ARHGEF38: variants seen among roughly 807,000 people sequenced by gnomAD.
The protein encoded by ARHGEF38 is Rho guanine nucleotide exchange factor 38.
ARHGEF38 carries 79 observed loss-of-function variants against 79.9 expected under a neutral mutation model. The ratio of observed to expected loss-of-function variants is 0.99; its 90% CI spans 0.82 to 1.19. The LOEUF (loss-of-function observed/expected upper bound fraction) is 1.19, where lower values mean the gene tolerates loss of function less well. Ranked by LOEUF, ARHGEF38 falls within the 50% of genes most tolerant of loss-of-function variation. The pLI is 0.00. For synonymous variants in ARHGEF38, 366 were observed against 328.3 expected (o/e 1.11, Z -1.24); for missense variants, 962 against 907.2 (o/e 1.06, Z -0.78).
At chr4:105,654,524 C>T (rs1044777581) in intron 8 of ARHGEF38, among the ~76,000 whole-genome samples, 28 of 152,164 alleles carry the variant, frequency 1.8e-4, no homozygotes, top group Non-Finnish European at 3.5e-4. Flanking sequence ...TAACACATCT[C>T]TTTCTAGTAC....
intron 1 of ARHGEF38, among the ~76,000 whole-genome samples, chr4:105,566,580 C>T (rs1051506671): frequency 3.9e-5 from 6 of 152,102 alleles, no homozygotes; most frequent in African/African-American, 7.2e-5. Flanking sequence ...GTTATACTCT[C>T]TTAGATATTT....
intron 6 of ARHGEF38, among the ~76,000 whole-genome samples, chr4:105,645,842 G>T (rs1002288808): frequency 1.3e-5 from 2 of 152,238 alleles, no homozygotes; most frequent in Non-Finnish European, 2.9e-5. Context: ...ACAGAGAATG[G>T]AGCTTTTGTG....
At chr4:105,649,565 T>C (rs1286986662) in intron 7 of ARHGEF38, among the ~76,000 whole-genome samples, 2 of 152,220 alleles carry the variant, frequency 1.3e-5, no homozygotes, top group East Asian at 3.8e-4. Context: ...AGATAGTTCT[T>C]AGTATACTAT....
chr4:105,627,685 A>G (rs1560731275), intron 3 of ARHGEF38, among the ~76,000 whole-genome samples: 1 of 152,196 alleles, frequency 6.6e-6, no homozygotes, highest in African/African-American at 2.4e-5. Context: ...ACCACAAGTG[A>G]AATTACCTTC....
At chr4:105,672,960 A>G (rs1226862674) in intron 13 of ARHGEF38, among the ~76,000 whole-genome samples, 1 of 151,922 alleles carries the variant, frequency 6.6e-6, no homozygotes, top group East Asian at 1.9e-4. Context: ...GTAGGTGAGC[A>G]TCTCTCTGGC....
intron 13 of ARHGEF38, among the ~76,000 whole-genome samples, chr4:105,669,673 A>T (rs13131093): frequency 6.6e-6 from 1 of 151,804 alleles, no homozygotes; most frequent in Non-Finnish European, 1.5e-5. Flanking sequence ...CATGACTTTT[A>T]GTATATATTA....
chr4:105,676,369 T>C (rs974922675), intron 13 of ARHGEF38, among the ~76,000 whole-genome samples: 19 of 152,222 alleles, frequency 1.2e-4, no homozygotes, highest in African/African-American at 4.3e-4. Context: ...TGATGTATCA[T>C]CTGTGTGTAG....
intron 13 of ARHGEF38, among the ~76,000 whole-genome samples, chr4:105,669,458 A>G (rs1730885439): frequency 6.6e-6 from 1 of 152,198 alleles, no homozygotes; most frequent in South Asian, 2.1e-4. Context: ...TTAGAGGGCC[A>G]AAGGTATGTA....
chr4:105,628,961 C>A (rs1578326703), intron 3 of ARHGEF38, among the ~76,000 whole-genome samples: 1 of 152,118 alleles, frequency 6.6e-6, no homozygotes, highest in East Asian at 1.9e-4. Flanking sequence ...CTTTTTATAT[C>A]TATCACCCCA....
chr4:105,672,377 T>C (rs1730984629), intron 13 of ARHGEF38, among the ~76,000 whole-genome samples: 1 of 152,218 alleles, frequency 6.6e-6, no homozygotes, highest in Admixed American at 6.5e-5. Context: ...CCAAATTATA[T>C]TCTGGAGCCT....
At chr4:105,557,425 T>C (rs1239109554) in intron 1 of ARHGEF38, among the ~76,000 whole-genome samples, 1 of 152,048 alleles carries the variant, frequency 6.6e-6, no homozygotes, top group Non-Finnish European at 1.5e-5. Context: ...ATGAATTATA[T>C]CACTGACATT....
At chr4:105,660,055 C>T (rs1481195682) in intron 10 of ARHGEF38, among the ~76,000 whole-genome samples, 4 of 152,080 alleles carry the variant, frequency 2.6e-5, no homozygotes, top group Admixed American at 2.0e-4. Context: ...CAATGGGTAA[C>T]ACCTGGAGCA....
chr4:105,576,774 T>A (rs918945653), intron 1 of ARHGEF38, among the ~76,000 whole-genome samples: 1 of 152,192 alleles, frequency 6.6e-6, no homozygotes, highest in Non-Finnish European at 1.5e-5. Flanking sequence ...TTCTTTCAAC[T>A]TTTCTTCCTC....
At chr4:105,602,540 A>G (rs936676993) in intron 2 of ARHGEF38, among the ~76,000 whole-genome samples, 2 of 152,146 alleles carry the variant, frequency 1.3e-5, no homozygotes, top group African/African-American at 4.8e-5. Flanking sequence ...GAAAAGGCTA[A>G]TTGAATGTTG....
chr4:105,671,609 T>C (rs1560763155), intron 13 of ARHGEF38, among the ~76,000 whole-genome samples: 1 of 152,204 alleles, frequency 6.6e-6, no homozygotes, highest in Non-Finnish European at 1.5e-5. Flanking sequence ...TTAACCTCTG[T>C]ATTTGTGATG....
chr4:105,682,280 AG>A (rs930152728), downstream of ARHGEF38, among the ~76,000 whole-genome samples: 3 of 152,166 alleles, frequency 2.0e-5, no homozygotes, highest in African/African-American at 7.2e-5. Context: ...AATAATTGGG[AG>A]GGAGAGGGAG....
intron 9 of ARHGEF38, among the ~76,000 whole-genome samples, chr4:105,655,967 T>C (rs1458599358): frequency 2.6e-5 from 4 of 152,226 alleles, no homozygotes; most frequent in African/African-American, 2.4e-5. Flanking sequence ...GTAGCCAGTG[T>C]CAGTGCAGCT....
chr4:105,607,225 C>T (rs1331425763), intron 2 of ARHGEF38, among the ~76,000 whole-genome samples: 5 of 151,974 alleles, frequency 3.3e-5, no homozygotes, highest in African/African-American at 1.2e-4. Context: ...AACTAAGCAC[C>T]CCAGTGTGCC....
rs749765197 is a variant in ARHGEF38 at position 105,667,698 on chromosome 4, G to A, written c.2143G>A (p.Glu715Lys). Residue 715 changes from glutamate (E) to lysine (K), a missense_variant, in exon 13 of 14, where the codon GAA (glutamate) becomes AAA (lysine). Physicochemically the swap from Glu to Lys is moderately conservative, Grantham distance 56. Coordinates refer to ENST00000420470, the MANE Select transcript of ARHGEF38 (RefSeq NM_001242729.2). ...TGTTGACAGTTTTCAAGAAGTAGAC[G>A]AACAGGTAAAAATTTGATGTAAAAA... The part of the protein sequence containing the change: ...TDVDSFQEVD[E>K]QIFYAVHAFQ... The A allele has an allele frequency of 7.7e-5, 119 of 1,535,904 alleles. No homozygotes were observed. The highest frequency in any genetic ancestry group is 9.2e-5 in the Non-Finnish European group (106 of 1,146,902).
Sources: allele counts gnomAD v4.1 joint callset (sites outside exome capture counted in the v4.1 genomes callset), GRCh38; gene constraint gnomAD v4.1.1; transcripts MANE v1.5; gene names NCBI Gene and HGNC (gene_info 2026-07-23, HGNC 2026-07-21).